GPC6: variants seen among roughly 807,000 people sequenced by gnomAD.
GPC6 encodes glypican-6.
In GPC6, 14 loss-of-function variants were observed where a neutral mutation model predicts 55.2. That is an observed-to-expected ratio of 0.25 (90% CI 0.17 to 0.40). The LOEUF (loss-of-function observed/expected upper bound fraction) is 0.40. GPC6 is among the 10% of genes least tolerant of loss of function. The probability of loss-of-function intolerance (pLI) is 1.00; values close to 1 mark genes in which losing one functional copy is unlikely to be tolerated. For synonymous variants in GPC6, 278 were observed against 259.6 expected (o/e 1.07, Z -0.68); for missense variants, 641 against 708.5 (o/e 0.90, Z 1.08).
At chr13:93,331,490 A>C (rs2139137067) in intron 1 of GPC6, among the ~76,000 whole-genome samples, 1 of 152,320 alleles carries the variant, frequency 6.6e-6, no homozygotes, top group African/African-American at 2.4e-5. Context: ...CCTGAGAAAT[A>C]TCAATTGCTT....
chr13:94,121,653 A>C (rs2138854367), intron 4 of GPC6, among the ~76,000 whole-genome samples: 1 of 152,294 alleles, frequency 6.6e-6, no homozygotes, highest in South Asian at 2.1e-4. Context: ...GCTGGAAGCC[A>C]ACATGATTGT....
chr13:93,676,127 ATATATATATATATATATATATAT>A (rs1221282491), intron 2 of GPC6, among the ~76,000 whole-genome samples: 1,032 of 10,624 alleles, frequency 0.097, 57 homozygotes, highest in Non-Finnish European at 0.21. Context: ...AAAAAAAAAA[ATATATATATATATATATATATAT>A]ATATATATAT....
chr13:93,290,579 A>G (rs568984539), intron 1 of GPC6, among the ~76,000 whole-genome samples: 1 of 152,268 alleles, frequency 6.6e-6, no homozygotes, highest in Non-Finnish European at 1.5e-5. Flanking sequence ...AGCAACATAG[A>G]TTAGAGGAAT....
At chr13:93,858,575 G>A (rs1177499203) in intron 3 of GPC6, among the ~76,000 whole-genome samples, 1 of 151,564 alleles carries the variant, frequency 6.6e-6, no homozygotes, top group Non-Finnish European at 1.5e-5. Context: ...GACGATTGAG[G>A]AAAAGAACCA....
intron 6 of GPC6, among the ~76,000 whole-genome samples, chr13:94,377,776 G>C (rs1288047080): frequency 6.6e-6 from 1 of 152,160 alleles, no homozygotes; most frequent in Non-Finnish European, 1.5e-5. Context: ...ATTCACAATA[G>C]CAAAGACTTG....
intron 6 of GPC6, among the ~76,000 whole-genome samples, chr13:94,360,717 C>A (rs1021599771): frequency 6.6e-6 from 1 of 152,282 alleles, no homozygotes; most frequent in African/African-American, 2.4e-5. Flanking sequence ...CTCCTCCCCC[C>A]AAATATATTT....
In GPC6 at chr13:93,455,307, G is replaced by A. The variant is rs528868142; in HGVS notation, c.161-89956G>A. Among the ~76,000 whole-genome samples, 5 of 152,316 alleles carry A rather than the reference G, an allele frequency of 3.3e-5. No homozygotes were observed. The South Asian group carries it at 1.0e-3, about 32-fold the overall frequency. ...AGCCCGGGCAGAGGAGGCGCCCAGAGCGAGGGAGGGCTGTGAGGACTGCCA... is the reference window on the plus strand; with the variant it reads ...AGCCCGGGCAGAGGAGGCGCCCAGAACGAGGGAGGGCTGTGAGGACTGCCA... On this transcript the variant is annotated intron_variant, in intron 1 of 8. Coordinates refer to ENST00000377047, the MANE Select transcript of GPC6 (RefSeq NM_005708.5).
rs553455124 is a variant in GPC6 at position 94,130,558 on chromosome 13, G to A, written c.877+102664G>A. On this transcript the variant is annotated intron_variant, in intron 4 of 8. Coordinates refer to ENST00000377047, the MANE Select transcript of GPC6 (RefSeq NM_005708.5). ...AGATTGTCAAGAGGAAAGGAGAATG[G>A]GACCAAGGCTTCCAATTTTTAATTT... is the stretch of plus-strand genomic sequence containing the variant. 4.6e-5 allele frequency among the ~76,000 whole-genome samples: 7 copies of A among 152,150 alleles called. No individual in the cohort carries two copies. The South Asian group carries it at 1.5e-3, about 32-fold the overall frequency.
intron 2 of GPC6, among the ~76,000 whole-genome samples, chr13:93,739,357 G>T (rs967902661): frequency 6.6e-6 from 1 of 151,832 alleles, no homozygotes; most frequent in African/African-American, 2.4e-5. Flanking sequence ...ATGTATTAAA[G>T]CTCAAAAGAA....
chr13:93,760,247 C>T (rs962246180), intron 2 of GPC6, among the ~76,000 whole-genome samples: 1 of 152,132 alleles, frequency 6.6e-6, no homozygotes, highest in Non-Finnish European at 1.5e-5. Flanking sequence ...GGCACCAAGC[C>T]ACTGAATGCA....
At chr13:94,287,954 T>C (rs540626635) in intron 5 of GPC6, among the ~76,000 whole-genome samples, 4 of 152,312 alleles carry the variant, frequency 2.6e-5, no homozygotes, top group East Asian at 1.9e-4. Flanking sequence ...TCTGTTTCCA[T>C]TGGTGCGTGT....
chr13:93,439,704 T>A (rs990677321), intron 1 of GPC6, among the ~76,000 whole-genome samples: 23 of 149,226 alleles, frequency 1.5e-4, no homozygotes, highest in African/African-American at 5.3e-4. Context: ...AAAAATAAAA[T>A]AAAATAAAAT....
intron 3 of GPC6, among the ~76,000 whole-genome samples, chr13:93,885,533 A>T (rs1010623258): frequency 5.0e-4 from 75 of 151,398 alleles, no homozygotes; most frequent in African/African-American, 9.9e-4. Flanking sequence ...ATTAAAAACC[A>T]CTGGTAAGAT....
chr13:93,765,379 G>C (rs1885101258), intron 2 of GPC6, among the ~76,000 whole-genome samples: 1 of 85,658 alleles, frequency 1.2e-5, no homozygotes, highest in African/African-American at 3.9e-5. Context: ...TGATAAAGAT[G>C]CATGAAAAAT....
intron 6 of GPC6, among the ~76,000 whole-genome samples, chr13:94,326,864 G>A (rs753028922): frequency 1.1e-4 from 17 of 152,218 alleles, no homozygotes; most frequent in Admixed American, 2.6e-4. Flanking sequence ...CGGGCACTCT[G>A]TGAGTAAGGA....
At chr13:94,213,246 G>T (rs1566550593) in intron 4 of GPC6, among the ~76,000 whole-genome samples, 1 of 152,114 alleles carries the variant, frequency 6.6e-6, no homozygotes, top group African/African-American at 2.4e-5. Context: ...TCTCTAACTT[G>T]AAAGGTTTTC....
chr13:94,047,004 G>A (rs1883758412), intron 4 of GPC6, among the ~76,000 whole-genome samples: 2 of 152,050 alleles, frequency 1.3e-5, no homozygotes, highest in African/African-American at 4.8e-5. Context: ...TAAATCTATA[G>A]TGTTTTTTAG....
chr13:94,167,726 G>C (rs1054831952), intron 4 of GPC6, among the ~76,000 whole-genome samples: 7 of 152,154 alleles, frequency 4.6e-5, no homozygotes, highest in Admixed American at 1.3e-4. Flanking sequence ...GGAGCTGCAA[G>C]TCTTGCTAGA....
intron 2 of GPC6, among the ~76,000 whole-genome samples, chr13:93,752,072 C>T (rs1884613289): frequency 6.6e-6 from 1 of 152,086 alleles, no homozygotes; most frequent in Admixed American, 6.6e-5. Context: ...AGAAAAAAAT[C>T]TATGAACTCT....
Sources: gnomAD v4.1 joint callset for allele counts (sites outside exome capture counted in the v4.1 genomes callset) on GRCh38, gnomAD v4.1.1 for gene constraint, MANE v1.5 for transcripts, NCBI Gene and HGNC (gene_info 2026-07-23, HGNC 2026-07-21) for gene names.